The following RTTN variants were observed in gnomAD, a reference collection of about 807,000 sequenced individuals.
The protein encoded by RTTN is rotatin.
A neutral mutation model predicts 269.2 loss-of-function variants in RTTN; 182 were observed. That is an observed-to-expected ratio of 0.68 (90% confidence interval 0.60 to 0.76). RTTN has a LOEUF of 0.76. RTTN is among the 30% of genes least tolerant of loss of function. The probability of loss-of-function intolerance (pLI) is 0.00; values close to 1 mark genes in which losing one functional copy is unlikely to be tolerated. For synonymous variants in RTTN, 1,006 were observed against 963.5 expected (o/e 1.04, Z -0.82); for missense variants, 2,545 against 2,608.6 (o/e 0.98, Z 0.53).
intron 8 of RTTN, among the ~76,000 whole-genome samples, chr18:70,190,940 C>A (rs534362055): frequency 2.0e-5 from 3 of 152,264 alleles, no homozygotes; most frequent in Admixed American, 2.0e-4. Context: ...GTCATCCCAG[C>A]ACTTTGGGAG....
At chr18:70,051,978 T>C (rs2057684416) in intron 38 of RTTN, among the ~76,000 whole-genome samples, 1 of 152,208 alleles carries the variant, frequency 6.6e-6, no homozygotes, top group Non-Finnish European at 1.5e-5. Flanking sequence ...GAAAGCACAG[T>C]GTGCCAAGGT....
chr18:70,170,021 C>T (rs748701590), intron 11 of RTTN, among the ~76,000 whole-genome samples: 6 of 152,086 alleles, frequency 3.9e-5, no homozygotes, highest in Non-Finnish European at 5.9e-5. Flanking sequence ...TCAGAAACTA[C>T]AGAAATCAAA....
intron 35 of RTTN, among the ~76,000 whole-genome samples, chr18:70,060,495 T>C (rs1481062986): frequency 6.6e-6 from 1 of 152,324 alleles, no homozygotes; most frequent in East Asian, 1.9e-4. Flanking sequence ...ATAATCATTG[T>C]ACATATTTAT....
chr18:70,078,466 T>C (rs911471546), intron 32 of RTTN, among the ~76,000 whole-genome samples: 2 of 151,784 alleles, frequency 1.3e-5, no homozygotes, highest in African/African-American at 4.8e-5. Flanking sequence ...TTAGAAAAAC[T>C]TTAGACATGA....
chr18:70,075,107 T>C, intron 33 of RTTN: 1 of 302,556 alleles, frequency 3.3e-6, no homozygotes, highest in East Asian at 6.8e-5. Flanking sequence ...GCTTGCAGAA[T>C]ATTTAGTGAA....
At chr18:70,108,131 G>A (rs953655143) in intron 28 of RTTN, among the ~76,000 whole-genome samples, 1 of 152,134 alleles carries the variant, frequency 6.6e-6, no homozygotes, top group Non-Finnish European at 1.5e-5. Flanking sequence ...ACAAAAATTA[G>A]CTGTGCGTGG....
At chr18:70,130,229 A>G (rs1386124364) in intron 23 of RTTN, 1 of 152,058 alleles carries the variant, frequency 6.6e-6, no homozygotes, top group Non-Finnish European at 1.5e-5. Context: ...GAGTTCCTCA[A>G]AAAACTAAAA....
chr18:70,087,265 A>G (rs1017537975), intron 31 of RTTN, among the ~76,000 whole-genome samples: 2 of 152,250 alleles, frequency 1.3e-5, no homozygotes, highest in Non-Finnish European at 2.9e-5. Context: ...TAATGGGAGA[A>G]TGACAGGATT....
rs536187998 is a variant in RTTN at position 70,154,855 on chromosome 18, C to T, written c.1930-4122G>A. Among the ~76,000 whole-genome samples, 5 of 152,198 alleles carry T rather than the reference C, an allele frequency of 3.3e-5. No individual in the cohort carries two copies. The East Asian group carries it at 9.6e-4, about 29-fold the overall frequency. The stretch of plus-strand genomic sequence containing the variant: ...TAAACATGCAAAGTAGAAGAGTCTC[C>T]CTATTAAGATTATAGACACAATTGA... On this transcript the variant is annotated intron_variant, in intron 14 of 48. Transcript: ENST00000640769.
intron 2 of RTTN, 124 bp downstream of exon 2, chr18:70,205,004 A>G (rs1171116542): frequency 1.2e-6 from 1 of 861,612 alleles, no homozygotes; most frequent in Non-Finnish European, 1.8e-6. Flanking sequence ...TTAAAATTAA[A>G]CATCTCTGGT....
At chr18:70,033,282 T>C (rs1184106986) in intron 40 of RTTN, among the ~76,000 whole-genome samples, 6 of 152,250 alleles carry the variant, frequency 3.9e-5, no homozygotes, top group Non-Finnish European at 8.8e-5. Context: ...TGTGGAACCA[T>C]GAGCCAATTA....
intron 27 of RTTN, among the ~76,000 whole-genome samples, chr18:70,112,865 T>C (rs954195890): frequency 1.3e-5 from 2 of 152,152 alleles, no homozygotes; most frequent in Non-Finnish European, 1.5e-5. Flanking sequence ...AGAATATACA[T>C]TCTTCTTAGC....
At chr18:70,086,359 C>G (rs1220779207) in intron 32 of RTTN, among the ~76,000 whole-genome samples, 1 of 152,088 alleles carries the variant, frequency 6.6e-6, no homozygotes, top group African/African-American at 2.4e-5. Context: ...CTATGTCTTA[C>G]ATTTCTAGAA....
chr18:70,176,375 T>C (rs1344095531), intron 11 of RTTN, among the ~76,000 whole-genome samples: 1 of 151,956 alleles, frequency 6.6e-6, no homozygotes, highest in Non-Finnish European at 1.5e-5. Context: ...CTGTAAGCAA[T>C]CAATAAATTA....
rs752948209 is a variant in RTTN at position 70,030,876 on chromosome 18, C to A, written c.5647G>T (p.Ala1883Ser). 1 of 1,608,758 alleles carries A rather than the reference C, an allele frequency of 6.2e-7. No homozygotes were observed. Among genetic ancestry groups the A allele is most frequent in the Admixed American group, 1.7e-5 (1 of 59,240 alleles). ...ACAGCTGATGTGTCATGTGGCTCACCTTTCAAAGCATGTTTCTGTGCTCTT... is the reference window on the plus strand; with the variant it reads ...ACAGCTGATGTGTCATGTGGCTCACATTTCAAAGCATGTTTCTGTGCTCTT... Reference protein sequence around the residue: ...SRRAQKHALKANLIDNCMEQM... With the variant: ...SRRAQKHALKSNLIDNCMEQM... Residue 1883 changes from alanine (A) to serine (S), a missense_variant and splice_region_variant, in exon 41 of 49, where the codon GCC (alanine) becomes TCC (serine). By Grantham distance (99) the Ala-to-Ser change is moderately conservative. Transcript: ENST00000640769.
intron 8 of RTTN, 172 bp downstream of exon 8, chr18:70,193,116 A>G: frequency 1.7e-6 from 1 of 578,890 alleles, no homozygotes; most frequent in Non-Finnish European, 2.9e-6. Context: ...ACCGTGGATC[A>G]TGGTCAAAAA....
rs551478562 is a variant in RTTN, at chr18:70,142,706, G to A, written c.2482-319C>T. On this transcript the variant is annotated intron_variant, in intron 18 of 48. Transcript: ENST00000640769. ...ACTTTTAATAATAGCCATTCTGGCCGGGTGCGATGGCTCACGCCTATAATC... is the reference window on the plus strand; with the variant it reads ...ACTTTTAATAATAGCCATTCTGGCCAGGTGCGATGGCTCACGCCTATAATC... 2.5e-3 allele frequency among the ~76,000 whole-genome samples: 387 copies of A among 152,210 alleles called. 1 individual carries two copies. Among genetic ancestry groups the A allele is most frequent in the African/African-American group, 8.7e-3 (363 of 41,518 alleles).
intron 36 of RTTN, among the ~76,000 whole-genome samples, chr18:70,058,743 A>G (rs2057891940): frequency 6.6e-6 from 1 of 152,164 alleles, no homozygotes; most frequent in Admixed American, 6.5e-5. Context: ...AGGAGCATCC[A>G]GGAAGGAAAG....
chr18:70,135,382 T>G, intron 21 of RTTN, 102 bp from the exon 22 acceptor site: 1 of 663,854 alleles, frequency 1.5e-6, no homozygotes, highest in Non-Finnish European at 2.5e-6. Flanking sequence ...AAATGCAACA[T>G]AAACCCAGAT....
Sources: gnomAD v4.1 joint callset for allele counts (sites outside exome capture counted in the v4.1 genomes callset) on GRCh38, gnomAD v4.1.1 for gene constraint, MANE v1.5 for transcripts, NCBI Gene and HGNC (gene_info 2026-07-23, HGNC 2026-07-21) for gene names.